PACSIN2: variants seen among roughly 807,000 people sequenced by gnomAD.
The protein encoded by PACSIN2 is protein kinase C and casein kinase substrate in neurons protein 2.
Under a neutral mutation model 63.8 loss-of-function variants are expected in PACSIN2, and 25 were observed. The observed-to-expected ratio is 0.39, with a 90% confidence interval of 0.29 to 0.55. The LOEUF is 0.55. Ranked by LOEUF, PACSIN2 falls within the 20% of genes least tolerant of loss-of-function variation. PACSIN2 has a pLI of 0.62. For synonymous variants in PACSIN2, 255 were observed against 256.2 expected (o/e 1.00, Z 0.05); for missense variants, 518 against 646.9 (o/e 0.80, Z 2.16).
In PACSIN2 at chr22:42,944,174, G is replaced by A. The variant is rs539803021; in HGVS notation, c.-77-32017C>T. Among the ~76,000 whole-genome samples, 5 of 152,304 alleles carry A rather than the reference G, an allele frequency of 3.3e-5. No homozygotes were observed. In the South Asian group the frequency reaches 1.0e-3, roughly 32 times the overall value. On this transcript the variant is annotated intron_variant, in intron 1 of 10. Transcript: ENST00000263246. ...CGAGTGGCAGCTCTCAGAGAGTGCT[G>A]TCTCCTTAATCAGCCTGGCCTGAGG...
chr22:42,882,877 C>G (rs936839266), intron 6 of PACSIN2, among the ~76,000 whole-genome samples: 1 of 152,142 alleles, frequency 6.6e-6, no homozygotes, highest in Non-Finnish European at 1.5e-5. Flanking sequence ...CACTTATAAT[C>G]TTTATGGCTG....
At chr22:42,963,423 T>G (rs1267782243) in intron 1 of PACSIN2, among the ~76,000 whole-genome samples, 1 of 152,178 alleles carries the variant, frequency 6.6e-6, no homozygotes, top group African/African-American at 2.4e-5. Context: ...AGGGCAGCAC[T>G]TCCCAGGGGG....
intron 1 of PACSIN2, among the ~76,000 whole-genome samples, chr22:42,997,211 T>G (rs1358270075): frequency 1.3e-5 from 2 of 152,232 alleles, no homozygotes; most frequent in Admixed American, 6.5e-5. Flanking sequence ...GTAACTCCAG[T>G]GCCTAGAACC....
At chr22:43,006,130 G>A (rs1034954479) in intron 1 of PACSIN2, among the ~76,000 whole-genome samples, 4 of 152,008 alleles carry the variant, frequency 2.6e-5, no homozygotes, top group East Asian at 1.9e-4. Context: ...GAGCTCTCTC[G>A]CCTTCTTTCT....
chr22:42,891,267 C>CTAAATGGCCA, intron 3 of PACSIN2, 85 bp from the exon 4 acceptor site: 4 of 787,876 alleles, frequency 5.1e-6, no homozygotes, highest in Non-Finnish European at 8.4e-6. Context: ...TTCAATGTGG[C>CTAAATGGCCA]CATTTAGACC....
intron 1 of PACSIN2, among the ~76,000 whole-genome samples, chr22:42,925,040 G>A (rs762082441): frequency 6.6e-6 from 1 of 151,566 alleles, no homozygotes; most frequent in Non-Finnish European, 1.5e-5. Context: ...CACTGCGTCC[G>A]GCCCCAGTGA....
chr22:42,919,713 T>C (rs1202265702), intron 1 of PACSIN2, among the ~76,000 whole-genome samples: 3 of 136,178 alleles, frequency 2.2e-5, no homozygotes, highest in Admixed American at 8.4e-5. Flanking sequence ...GTGGAGGTTG[T>C]AGTGAGCCGA....
chr22:42,946,243 A>T (rs561688558), intron 1 of PACSIN2, among the ~76,000 whole-genome samples: 3 of 152,340 alleles, frequency 2.0e-5, no homozygotes, highest in East Asian at 3.9e-4. Context: ...AATATAATCC[A>T]GGGTAGGGTC....
chr22:42,995,671 A>G (rs571433883), intron 1 of PACSIN2, among the ~76,000 whole-genome samples: 7 of 152,336 alleles, frequency 4.6e-5, no homozygotes, highest in Admixed American at 2.0e-4. Flanking sequence ...GTAAATATAC[A>G]GATTTGGTAA....
chr22:42,928,954 G>A (rs916989452), intron 1 of PACSIN2, among the ~76,000 whole-genome samples: 1 of 152,126 alleles, frequency 6.6e-6, no homozygotes, highest in Non-Finnish European at 1.5e-5. Context: ...GAAGAGAGTG[G>A]GATTCAACAA....
intron 1 of PACSIN2, among the ~76,000 whole-genome samples, chr22:42,989,181 G>C (rs1276170809): frequency 1.3e-5 from 2 of 152,162 alleles, no homozygotes; most frequent in Non-Finnish European, 2.9e-5. Flanking sequence ...ACCTGGTCTA[G>C]TTCGTTTCTT....
intron 8 of PACSIN2, among the ~76,000 whole-genome samples, chr22:42,878,604 G>A (rs966740383): frequency 1.3e-5 from 2 of 152,208 alleles, no homozygotes; most frequent in Non-Finnish European, 2.9e-5. Flanking sequence ...GTCCTCTCCT[G>A]TCCCTCCCTC....
intron 1 of PACSIN2, among the ~76,000 whole-genome samples, chr22:43,004,915 T>C (rs1251972020): frequency 2.0e-5 from 3 of 151,942 alleles, no homozygotes; most frequent in African/African-American, 7.3e-5. Context: ...CTCTAAACAA[T>C]GAAAAGGGAA....
intron 2 of PACSIN2, among the ~76,000 whole-genome samples, chr22:42,911,288 T>TA: frequency 6.6e-6 from 1 of 151,524 alleles, no homozygotes; most frequent in East Asian, 2.0e-4. Flanking sequence ...TGACTTCCTA[T>TA]AGTCTCAGCT....
chr22:43,014,355 C>CAG (rs1924721318), intron 1 of PACSIN2, among the ~76,000 whole-genome samples: 1 of 15,538 alleles, frequency 6.4e-5, no homozygotes, highest in African/African-American at 3.6e-4. Context: ...CACACACAGA[C>CAG]ACACACACAC....
At chr22:42,987,548 T>TTTTTTTTTTTTG (rs1922721203) in intron 1 of PACSIN2, among the ~76,000 whole-genome samples, 1 of 124,742 alleles carries the variant, frequency 8.0e-6, no homozygotes, top group Non-Finnish European at 1.7e-5. Flanking sequence ...TTTTTTTTTT[T>TTTTTTTTTTTTG]GAGACAGGAG....
intron 1 of PACSIN2, among the ~76,000 whole-genome samples, chr22:42,932,032 C>G (rs1443105339): frequency 6.6e-6 from 1 of 152,178 alleles, no homozygotes; most frequent in Non-Finnish European, 1.5e-5. Flanking sequence ...CTTCCCTTCT[C>G]TAAACCATCA....
chr22:42,886,719 G>A (rs898435748), intron 5 of PACSIN2, among the ~76,000 whole-genome samples: 2 of 152,148 alleles, frequency 1.3e-5, no homozygotes, highest in Non-Finnish European at 2.9e-5. Context: ...GAAGGGTGGT[G>A]GGGAGGGACT....
At chr22:43,011,729 T>C (rs1924499782) in intron 1 of PACSIN2, among the ~76,000 whole-genome samples, 1 of 151,750 alleles carries the variant, frequency 6.6e-6, no homozygotes. Context: ...ATACAAAAAC[T>C]AACCAGGCAA....
Sources: allele counts gnomAD v4.1 joint callset (sites outside exome capture counted in the v4.1 genomes callset), GRCh38; gene constraint gnomAD v4.1.1; transcripts MANE v1.5; gene names NCBI Gene and HGNC (gene_info 2026-07-23, HGNC 2026-07-21).